Variants in CSMD2 observed in about 807,000 individuals in gnomAD.
CSMD2 encodes CUB and Sushi multiple domains 2, also known as CUB and sushi domain-containing protein 2.
A neutral mutation model predicts 398.5 loss-of-function variants in CSMD2; 130 were observed. The observed-to-expected ratio is 0.33, with a 90% CI of 0.28 to 0.38. The LOEUF is 0.38. Among genes scored for constraint, CSMD2 ranks in the 10% least tolerant of loss-of-function variants. The pLI, the probability that CSMD2 is intolerant of heterozygous loss-of-function variation, is 1.00. For missense variants in CSMD2, 3,829 were observed against 4,764.9 expected, an observed-to-expected ratio of 0.80 and a Z score of 5.78; for synonymous variants, 1,828 against 1,908.5, an observed-to-expected ratio of 0.96 and a Z score of 1.10.
chr1:33,547,418 T>G (rs1350745660), intron 56 of CSMD2, among the ~76,000 whole-genome samples: 3 of 152,240 alleles, frequency 2.0e-5, no homozygotes, highest in Non-Finnish European at 4.4e-5. Context: ...GTTACAACTA[T>G]CATGGAATCT....
intron 3 of CSMD2, among the ~76,000 whole-genome samples, chr1:33,959,898 T>C (rs189644838): frequency 7.2e-4 from 109 of 152,316 alleles, no homozygotes; most frequent in African/African-American, 2.5e-3. Context: ...ACACCAGAAG[T>C]CAACCTCTAC....
At chr1:33,797,885 G>A (rs939556418) in intron 10 of CSMD2, among the ~76,000 whole-genome samples, 2 of 152,164 alleles carry the variant, frequency 1.3e-5, no homozygotes, top group African/African-American at 4.8e-5. Flanking sequence ...CGCCTATAAT[G>A]GGAAAATATT....
At chr1:33,581,329 T>G (rs1638684262) in intron 47 of CSMD2, among the ~76,000 whole-genome samples, 1 of 136,892 alleles carries the variant, frequency 7.3e-6, no homozygotes. Context: ...TGAGACCAGC[T>G]TGGCAAGCAA....
At chr1:33,541,107 C>T (rs1475242469) in intron 59 of CSMD2, 23 bp downstream of exon 59, 11 of 1,610,464 alleles carry the variant, frequency 6.8e-6, no homozygotes, top group Non-Finnish European at 3.4e-6. Flanking sequence ...GCTCTCTGTC[C>T]ACATTTGCAG....
At position 33,724,596 on chromosome 1, in the gene CSMD2, G is replaced by A. The variant is rs774576659; in HGVS notation, c.2804C>T (p.Ser935Leu). Reference sequence around the variant, plus strand: ...CTCCCCGTCACTTAATGTGTAGCCCGAGTCACAGCTGAAGGTCACCAGCGC... The same window carrying A: ...CTCCCCGTCACTTAATGTGTAGCCCAAGTCACAGCTGAAGGTCACCAGCGC... ...VGALVTFSCD[S>L]GYTLSDGEPL... Residue 935 changes from serine (S) to leucine (L), a missense_variant, in exon 18 of 71, where the codon TCG (serine) becomes TTG (leucine). Ser to Leu is a moderately radical substitution (Grantham distance 145). Around this residue, in one of 5 missense-constraint regions of CSMD2, gnomAD observed 2,001 missense variants for 2,567.1 expected, o/e 0.78. Transcript: ENST00000373381. The A allele has an allele frequency of 1.9e-6, 3 of 1,614,170 alleles. No homozygotes were observed. Among genetic ancestry groups the A allele is most frequent in the Admixed American group, 1.7e-5 (1 of 60,034 alleles).
At chr1:33,719,247 G>A (rs559337636) in intron 19 of CSMD2, among the ~76,000 whole-genome samples, 8 of 152,298 alleles carry the variant, frequency 5.3e-5, no homozygotes, top group East Asian at 1.9e-4. Context: ...GGAAATATAC[G>A]TCCTTTCCCT....
chr1:33,819,751 A>G lies in CSMD2; in HGVS notation c.1286T>C (p.Met429Thr). Residue 429 changes from methionine to threonine, a missense_variant, in exon 9 of 71, where the codon ATG becomes ACG. Coordinates refer to ENST00000373381, the MANE Select transcript of CSMD2 (RefSeq NM_001281956.2). ...CCTGTGGTCGCTCCAGGCCGCAAACATGTCGCTCACTTTCATACAGGTGAT... is the reference window on the plus strand; with the variant it reads ...CCTGTGGTCGCTCCAGGCCGCAAACGTGTCGCTCACTTTCATACAGGTGAT... Reference protein sequence around the residue: ...KRITCMKVSDMFAAWSDHRPV... With the variant: ...KRITCMKVSDTFAAWSDHRPV... 1.2e-6 allele frequency: 2 copies of G among 1,614,000 alleles called. No homozygotes were observed. The highest frequency in any genetic ancestry group is 1.1e-5 in the South Asian group (1 of 91,064).
intron 25 of CSMD2, among the ~76,000 whole-genome samples, chr1:33,670,283 A>G (rs1263271134): frequency 6.6e-6 from 1 of 152,060 alleles, no homozygotes; most frequent in Non-Finnish European, 1.5e-5. Context: ...TCACTTCTAT[A>G]TCTCTGGTAC....
intron 1 of CSMD2, among the ~76,000 whole-genome samples, chr1:34,122,573 A>T (rs577150340): frequency 5.9e-5 from 9 of 151,284 alleles, no homozygotes; most frequent in African/African-American, 1.9e-4. Context: ...TTTTCATAGA[A>T]CCTCCTCCCA....
chr1:33,527,775 G>A (rs1654906057), intron 64 of CSMD2, among the ~76,000 whole-genome samples: 1 of 151,982 alleles, frequency 6.6e-6, no homozygotes, highest in African/African-American at 2.4e-5. Context: ...AGGAATAAAA[G>A]GTGTATATTT....
intron 5 of CSMD2, chr1:33,862,522 A>G (rs1011974418): frequency 6.6e-6 from 1 of 152,150 alleles, no homozygotes; most frequent in Non-Finnish European, 1.5e-5. Context: ...TGTCCAAAAA[A>G]TGTGTGAGTC....
At chr1:34,038,615 G>A (rs1651448714) in intron 2 of CSMD2, among the ~76,000 whole-genome samples, 1 of 152,170 alleles carries the variant, frequency 6.6e-6, no homozygotes, top group South Asian at 2.1e-4. Context: ...ATTAAAGCCA[G>A]AATCCCTAAC....
At chr1:33,678,622 G>A (rs1241812847) in intron 25 of CSMD2, among the ~76,000 whole-genome samples, 1 of 152,106 alleles carries the variant, frequency 6.6e-6, no homozygotes, top group African/African-American at 2.4e-5. Context: ...GGTGACATCG[G>A]AAAGGGCAAT....
rs766920874 is a variant in CSMD2 at position 33,624,272 on chromosome 1, G to C, written c.5625+247C>G. On this transcript the variant is annotated intron_variant, in intron 35 of 70. Coordinates refer to ENST00000373381, the MANE Select transcript of CSMD2 (RefSeq NM_001281956.2). This position sits in a 1 kb window ranked among gnomAD's most constrained non-coding sequence, Gnocchi z 4.7. ...ACCTCTCCTCCTTCCTGGGTTACCC[G>C]ACTCCCACCGCATGTCCCTGAAGCT... Among the ~76,000 whole-genome samples, 1 of 152,088 alleles carries C rather than the reference G, an allele frequency of 6.6e-6. No individual in the cohort carries two copies.
At chr1:33,779,256 G>C (rs1355172676) in intron 12 of CSMD2, among the ~76,000 whole-genome samples, 3 of 152,094 alleles carry the variant, frequency 2.0e-5, no homozygotes, top group African/African-American at 7.2e-5. Context: ...GCACAGCAAT[G>C]AGTGATCTGT....
chr1:34,154,278 C>T (rs1381491296), intron 1 of CSMD2, among the ~76,000 whole-genome samples: 1 of 152,172 alleles, frequency 6.6e-6, no homozygotes, highest in Non-Finnish European at 1.5e-5. Flanking sequence ...AACTCTTGGG[C>T]ACTCTTAGTG....
intron 12 of CSMD2, among the ~76,000 whole-genome samples, chr1:33,775,007 C>T (rs1210735067): frequency 1.3e-5 from 2 of 152,122 alleles, no homozygotes; most frequent in South Asian, 2.1e-4. Context: ...ACAGGGGATT[C>T]GTGCTGTGGA....
intron 5 of CSMD2, among the ~76,000 whole-genome samples, chr1:33,887,259 T>A: frequency 6.9e-6 from 1 of 144,232 alleles, no homozygotes; most frequent in Non-Finnish European, 1.5e-5. Flanking sequence ...AAAAAAAAGC[T>A]TTGCACACAA....
At chr1:33,877,109 G>A (rs1640893247) in intron 5 of CSMD2, among the ~76,000 whole-genome samples, 2 of 152,208 alleles carry the variant, frequency 1.3e-5, no homozygotes, top group South Asian at 4.1e-4. Context: ...ATCGATGTGT[G>A]GGCAGAAGGC....
Sources: allele counts gnomAD v4.1 joint callset (sites outside exome capture counted in the v4.1 genomes callset), GRCh38; gene constraint gnomAD v4.1.1; regional missense constraint gnomAD v4.1.1; non-coding constraint Gnocchi (gnomAD v3.1); transcripts MANE v1.5; gene names NCBI Gene and HGNC (gene_info 2026-07-23, HGNC 2026-07-21).